PTPRD: variants seen among roughly 807,000 people sequenced by gnomAD.
PTPRD encodes receptor-type tyrosine-protein phosphatase delta.
PTPRD carries 34 observed loss-of-function variants against 214.5 expected under a neutral mutation model. The ratio of observed to expected loss-of-function variants is 0.16; its 90% CI spans 0.12 to 0.21. The LOEUF is 0.21. Among genes scored for constraint, PTPRD ranks in the 10% least tolerant of loss-of-function variants. PTPRD has a pLI of 1.00. For synonymous variants in PTPRD, 1,128 were observed against 845.7 expected (o/e 1.33, Z -5.79); for missense variants, 2,545 against 2,398.7 (o/e 1.06, Z -1.27).
chr9:9,200,667 T>C (rs534961132), intron 9 of PTPRD, among the ~76,000 whole-genome samples: 3 of 152,212 alleles, frequency 2.0e-5, no homozygotes, highest in Non-Finnish European at 4.4e-5. Context: ...TGTAAATCCT[T>C]GTGGAAGATT....
chr9:9,366,600 A>T (rs1197550740), intron 9 of PTPRD, among the ~76,000 whole-genome samples: 2 of 151,594 alleles, frequency 1.3e-5, no homozygotes, highest in African/African-American at 2.4e-5. Context: ...AAATTTTATA[A>T]AATGGCCATT....
intron 2 of PTPRD, among the ~76,000 whole-genome samples, chr9:10,449,111 C>T (rs543720129): frequency 1.3e-5 from 2 of 152,144 alleles, no homozygotes; most frequent in East Asian, 1.9e-4. Flanking sequence ...ACTGTACTGC[C>T]GCCATCTCGG....
chr9:8,471,351 G>C (rs1387987643), intron 30 of PTPRD, among the ~76,000 whole-genome samples: 1 of 152,058 alleles, frequency 6.6e-6, no homozygotes, highest in Admixed American at 6.6e-5. Context: ...AAACAGAGCA[G>C]GCATAGTTTG....
chr9:8,973,601 G>A (rs2099251725), intron 11 of PTPRD, among the ~76,000 whole-genome samples: 1 of 152,030 alleles, frequency 6.6e-6, no homozygotes, highest in African/African-American at 2.4e-5. Context: ...TTGCTAGGTT[G>A]AATGGTAGCT....
chr9:9,902,075 C>G (rs546396147), intron 5 of PTPRD, among the ~76,000 whole-genome samples: 2 of 152,152 alleles, frequency 1.3e-5, no homozygotes, highest in Non-Finnish European at 2.9e-5. Flanking sequence ...CTATTGGCTG[C>G]TTCTACTCTT....
chr9:9,054,228 TAGTTAA>T (rs1267516664), intron 10 of PTPRD, among the ~76,000 whole-genome samples: 2 of 152,152 alleles, frequency 1.3e-5, no homozygotes, highest in Non-Finnish European at 2.9e-5. Context: ...GGACTCAGAA[TAGTTAA>T]ATCACATTCT....
chr9:10,352,568 T>C (rs1204491762), intron 2 of PTPRD, among the ~76,000 whole-genome samples: 1 of 151,958 alleles, frequency 6.6e-6, no homozygotes, highest in Admixed American at 6.6e-5. Context: ...GAAATATAGA[T>C]CAGAAGGAGA....
chr9:8,526,048 T>G (rs1487200424), intron 17 of PTPRD, among the ~76,000 whole-genome samples: 1 of 150,418 alleles, frequency 6.6e-6, no homozygotes, highest in Non-Finnish European at 1.5e-5. Context: ...GAAAGGGGAG[T>G]CATTCTTTGA....
chr9:9,093,516 T>C (rs2099779217), intron 10 of PTPRD, among the ~76,000 whole-genome samples: 1 of 151,888 alleles, frequency 6.6e-6, no homozygotes, highest in Non-Finnish European at 1.5e-5. Flanking sequence ...AAGCAGAAAT[T>C]AGTAATAAAC....
intron 11 of PTPRD, among the ~76,000 whole-genome samples, chr9:8,983,104 A>G (rs75624350): frequency 6.6e-6 from 1 of 151,846 alleles, no homozygotes; most frequent in Admixed American, 6.6e-5. Context: ...TTTTTTCTTT[A>G]GTCTGTTTTC....
intron 3 of PTPRD, among the ~76,000 whole-genome samples, chr9:10,293,284 A>T (rs1465675374): frequency 6.6e-6 from 1 of 151,958 alleles, no homozygotes; most frequent in Non-Finnish European, 1.5e-5. Context: ...TCTGTACTTC[A>T]TTATCTTGTA....
At chr9:9,606,892 C>T (rs903030069) in intron 7 of PTPRD, among the ~76,000 whole-genome samples, 1 of 134,144 alleles carries the variant, frequency 7.5e-6, no homozygotes, top group Non-Finnish European at 1.5e-5. Context: ...AGAATAGGTT[C>T]GCCTAACAAT....
chr9:9,089,052 G>C (rs1013381814), intron 10 of PTPRD, among the ~76,000 whole-genome samples: 3 of 152,118 alleles, frequency 2.0e-5, no homozygotes, highest in African/African-American at 7.2e-5. Flanking sequence ...CTAGTAAAAA[G>C]AAGGTCTTTC....
chr9:8,430,367 G>T (rs1295178500), intron 35 of PTPRD, among the ~76,000 whole-genome samples: 1 of 151,646 alleles, frequency 6.6e-6, no homozygotes, highest in Non-Finnish European at 1.5e-5. Context: ...CCCCTTGGGG[G>T]TCAGGTGATC....
intron 11 of PTPRD, among the ~76,000 whole-genome samples, chr9:8,954,228 T>G (rs1256763658): frequency 1.3e-5 from 2 of 151,820 alleles, no homozygotes; most frequent in Non-Finnish European, 2.9e-5. Flanking sequence ...TTATCCTAAG[T>G]GAACTAAAGC....
Position 10,275,918 on chromosome 9 carries a change from G to A in PTPRD, c.-545+65045C>T. On this transcript the variant is annotated intron_variant, in intron 3 of 45. Coordinates refer to ENST00000381196, the MANE Select transcript of PTPRD (RefSeq NM_002839.4). ...TATGGCACAAGGGGTTTGAGAGCCA[G>A]TGTAACTTGGGATAATTCTGAATGA... Among the ~76,000 whole-genome samples, 4 of 152,322 alleles carry A rather than the reference G, an allele frequency of 2.6e-5. No homozygotes were observed. The South Asian group carries it at 8.3e-4, about 32-fold the overall frequency.
chr9:8,540,603 G>A (rs973184328), intron 14 of PTPRD, among the ~76,000 whole-genome samples: 4 of 152,086 alleles, frequency 2.6e-5, no homozygotes, highest in African/African-American at 7.2e-5. Context: ...AACTTTTTGA[G>A]GATCTTCCTT....
intron 3 of PTPRD, among the ~76,000 whole-genome samples, chr9:10,274,774 C>T (rs984943071): frequency 2.0e-5 from 3 of 152,114 alleles, no homozygotes; most frequent in Non-Finnish European, 4.4e-5. Context: ...GCTACATTTA[C>T]ATTTTTCTGT....
At chr9:9,207,842 G>A (rs759024006) in intron 9 of PTPRD, among the ~76,000 whole-genome samples, 1 of 151,526 alleles carries the variant, frequency 6.6e-6, no homozygotes, top group Non-Finnish European at 1.5e-5. Context: ...AATAAATCAC[G>A]GTGCATCCAT....
Sources: allele counts gnomAD v4.1 joint callset (sites outside exome capture counted in the v4.1 genomes callset), GRCh38; gene constraint gnomAD v4.1.1; transcripts MANE v1.5; gene names NCBI Gene and HGNC (gene_info 2026-07-23, HGNC 2026-07-21).